The following MAF variants were observed in gnomAD, a reference collection of about 807,000 sequenced individuals.
MAF encodes MAF bZIP transcription factor, also known as transcription factor Maf.
A neutral mutation model predicts 22.0 loss-of-function variants in MAF; 10 were observed. That is an observed-to-expected ratio of 0.45 (90% confidence interval 0.28 to 0.77). The LOEUF is 0.77. MAF is among the 30% of genes least tolerant of loss of function. The pLI is 0.12. For missense variants in MAF, 544 were observed against 548.4 expected (o/e 0.99, Z 0.08); for synonymous variants, 337 against 255.8 (o/e 1.32, Z -3.03).
At chr16:79,572,224 C>A in the MAF span, among the ~76,000 whole-genome samples, 5 of 152,148 alleles carry the variant, frequency 3.3e-5, no homozygotes, top group East Asian at 9.6e-4. Context: ...GGAGGGGAGT[C>A]TGGTAGCAAC....
chr16:79,564,211 T>TTTTTG, the MAF span, among the ~76,000 whole-genome samples: 8 of 152,206 alleles, frequency 5.3e-5, no homozygotes, highest in African/African-American at 1.9e-4. Flanking sequence ...CCTTAGCAAT[T>TTTTTG]TTTTGTTTTG....
the MAF span, among the ~76,000 whole-genome samples, chr16:79,245,555 C>T: frequency 1.3e-5 from 2 of 151,974 alleles, no homozygotes; most frequent in Non-Finnish European, 2.9e-5. Context: ...AGTCAGGAAA[C>T]AACAGATGCT....
At chr16:79,497,150 C>G in the MAF span, among the ~76,000 whole-genome samples, 2 of 152,204 alleles carry the variant, frequency 1.3e-5, no homozygotes. Context: ...CACATAAATT[C>G]TCACTCTCTT....
chr16:79,507,582 G>A, the MAF span, among the ~76,000 whole-genome samples: 540 of 151,930 alleles, frequency 3.6e-3, 6 homozygotes, highest in African/African-American at 0.013. Flanking sequence ...CCACCACCAT[G>A]CCTGGCTAAT....
At chr16:79,368,045 C>A in the MAF span, among the ~76,000 whole-genome samples, 1 of 152,146 alleles carries the variant, frequency 6.6e-6, no homozygotes, top group African/African-American at 2.4e-5. Context: ...TGAACAGCTC[C>A]CTGAAGGCCT....
chr16:79,208,322 C>G, the MAF span, among the ~76,000 whole-genome samples: 2 of 151,984 alleles, frequency 1.3e-5, no homozygotes, highest in Non-Finnish European at 2.9e-5. Flanking sequence ...ACACCTCCCC[C>G]GTTTCCCATG....
the MAF span, among the ~76,000 whole-genome samples, chr16:79,328,122 T>C: frequency 5.3e-5 from 8 of 152,212 alleles, no homozygotes; most frequent in African/African-American, 1.4e-4. Flanking sequence ...ATTAAGAAAA[T>C]CCTATGGAAG....
At chr16:79,215,043 G>A in the MAF span, among the ~76,000 whole-genome samples, 1 of 151,976 alleles carries the variant, frequency 6.6e-6, no homozygotes, top group Non-Finnish European at 1.5e-5. Flanking sequence ...CTACAGTCTT[G>A]CCAGTTCACC....
downstream of MAF, among the ~76,000 whole-genome samples, chr16:79,590,143 G>C (rs1222625600): frequency 3.9e-5 from 6 of 152,148 alleles, no homozygotes; most frequent in Admixed American, 2.0e-4. Context: ...AGGGCTATTG[G>C]GCCCCGCAGA....
At chr16:79,545,673 T>G in the MAF span, among the ~76,000 whole-genome samples, 384 of 152,296 alleles carry the variant, frequency 2.5e-3, no homozygotes, top group Non-Finnish European at 4.4e-3. Context: ...TTCAAAGTAT[T>G]TCTATGTAAG....
the MAF span, among the ~76,000 whole-genome samples, chr16:79,523,476 T>A: frequency 6.6e-5 from 10 of 152,362 alleles, no homozygotes; most frequent in African/African-American, 2.2e-4. Flanking sequence ...GTGGGTTCAT[T>A]CATTTGTTCA....
At chr16:79,246,042 T>C in the MAF span, among the ~76,000 whole-genome samples, 1 of 151,980 alleles carries the variant, frequency 6.6e-6, no homozygotes, top group Non-Finnish European at 1.5e-5. Flanking sequence ...GAACATCATA[T>C]ACCAGGGCCT....
At chr16:79,433,277 A>AAAAT in the MAF span, among the ~76,000 whole-genome samples, 5 of 118,926 alleles carry the variant, frequency 4.2e-5, no homozygotes, top group South Asian at 5.7e-4. Context: ...TAAAAAAAAA[A>AAAAT]ATATATATAT....
chr16:79,502,375 G>T, the MAF span, among the ~76,000 whole-genome samples: 1 of 152,112 alleles, frequency 6.6e-6, no homozygotes, highest in Non-Finnish European at 1.5e-5. Context: ...ACAGACTAAA[G>T]ACTCATCAGG....
the MAF span, among the ~76,000 whole-genome samples, chr16:79,562,959 A>G: frequency 6.6e-6 from 1 of 152,144 alleles, no homozygotes; most frequent in East Asian, 1.9e-4. Flanking sequence ...TCAGGCCTCA[A>G]TTTCAAATTC....
the MAF span, among the ~76,000 whole-genome samples, chr16:79,222,500 A>G: frequency 2.0e-5 from 3 of 152,130 alleles, no homozygotes; most frequent in African/African-American, 7.2e-5. Flanking sequence ...CTAAAACTTA[A>G]AGTATAATAA....
the MAF span, among the ~76,000 whole-genome samples, chr16:79,449,922 T>G: frequency 1.3e-5 from 2 of 152,208 alleles, no homozygotes; most frequent in Non-Finnish European, 1.5e-5. Flanking sequence ...GCTTCCAACT[T>G]TTTATGACAT....
the MAF span, among the ~76,000 whole-genome samples, chr16:79,364,489 C>A: frequency 6.6e-6 from 1 of 152,152 alleles, no homozygotes; most frequent in Non-Finnish European, 1.5e-5. Context: ...GGAAGAGGAA[C>A]GGTCCCAGAA....
chr16:79,350,195 G>A, the MAF span, among the ~76,000 whole-genome samples: 1 of 152,168 alleles, frequency 6.6e-6, no homozygotes, highest in African/African-American at 2.4e-5. Flanking sequence ...GTTAAAGCAT[G>A]GACTCTATGG....
Sources: allele counts gnomAD v4.1 joint callset (sites outside exome capture counted in the v4.1 genomes callset), GRCh38; gene constraint gnomAD v4.1.1; transcripts MANE v1.5; gene names NCBI Gene and HGNC (gene_info 2026-07-23, HGNC 2026-07-21).